The following NPAS3 variants were observed in gnomAD, a reference collection of about 807,000 sequenced individuals.
NPAS3 encodes the protein neuronal PAS domain-containing protein 3.
A neutral mutation model predicts 73.1 loss-of-function variants in NPAS3; 14 were observed. The ratio of observed to expected loss-of-function variants is 0.19; its 90% confidence interval spans 0.13 to 0.30. The LOEUF (loss-of-function observed/expected upper bound fraction) is 0.30. Among genes scored for constraint, NPAS3 ranks in the 10% least tolerant of loss-of-function variants. The pLI, the probability that NPAS3 is intolerant of heterozygous loss-of-function variation, is 1.00. For synonymous variants in NPAS3, 620 were observed against 541.5 expected (o/e 1.14, Z -2.01); for missense variants, 1,096 against 1,250.0 (o/e 0.88, Z 1.86).
intron 4 of NPAS3, among the ~76,000 whole-genome samples, chr14:33,410,406 T>A (rs1243925069): frequency 1.3e-5 from 2 of 152,202 alleles, no homozygotes; most frequent in Admixed American, 6.5e-5. Context: ...TGCTGCCTAC[T>A]CCTAAATTGT....
chr14:33,715,642 C>T (rs1445127545), intron 6 of NPAS3, among the ~76,000 whole-genome samples: 1 of 152,162 alleles, frequency 6.6e-6, no homozygotes, highest in Non-Finnish European at 1.5e-5. Flanking sequence ...GCTACGATTC[C>T]AGCCTCCATC....
chr14:33,609,858 T>C (rs1364155198), intron 5 of NPAS3, among the ~76,000 whole-genome samples: 1 of 152,200 alleles, frequency 6.6e-6, no homozygotes, highest in Non-Finnish European at 1.5e-5. Context: ...TTCGCAAGCA[T>C]CATCCCCCAG....
chr14:33,103,542 G>A (rs2042637682), intron 2 of NPAS3, among the ~76,000 whole-genome samples: 1 of 152,168 alleles, frequency 6.6e-6, no homozygotes, highest in African/African-American at 2.4e-5. Context: ...GTAGAAAATA[G>A]CGTCCTTGAA....
intron 3 of NPAS3, among the ~76,000 whole-genome samples, chr14:33,247,266 A>G (rs1418668823): frequency 6.6e-6 from 1 of 152,172 alleles, no homozygotes; most frequent in East Asian, 1.9e-4. Context: ...TGTAAATACC[A>G]TTTCAGATAA....
chr14:33,672,701 GA>G (rs3059410), intron 5 of NPAS3, among the ~76,000 whole-genome samples: 30,629 of 144,960 alleles, frequency 0.21, 3,049 homozygotes, highest in South Asian at 0.27. Flanking sequence ...CCATAAGAGA[GA>G]AAAAAAAAAA....
intron 7 of NPAS3, among the ~76,000 whole-genome samples, chr14:33,741,168 T>C (rs1370380794): frequency 6.6e-6 from 1 of 152,172 alleles, no homozygotes; most frequent in Non-Finnish European, 1.5e-5. Flanking sequence ...TTCTTCCTTA[T>C]CTGAGATTCA....
intron 2 of NPAS3, among the ~76,000 whole-genome samples, chr14:33,190,487 A>G (rs1344170861): frequency 6.6e-6 from 1 of 152,256 alleles, no homozygotes; most frequent in Non-Finnish European, 1.5e-5. Context: ...TTAAAAATCA[A>G]TTTCACAAAA....
chr14:33,227,655 G>A (rs1047071367), intron 3 of NPAS3, among the ~76,000 whole-genome samples: 7 of 152,106 alleles, frequency 4.6e-5, no homozygotes, highest in Admixed American at 3.3e-4. Context: ...TGAGGGTTCC[G>A]CCCTCTGTGA....
At chr14:33,516,084 A>G (rs1233938980) in intron 4 of NPAS3, among the ~76,000 whole-genome samples, 1 of 152,088 alleles carries the variant, frequency 6.6e-6, no homozygotes, top group Non-Finnish European at 1.5e-5. Context: ...AGTATACTAA[A>G]TAGGTATTTA....
chr14:33,637,690 T>A (rs2058561169), intron 5 of NPAS3, among the ~76,000 whole-genome samples: 1 of 152,252 alleles, frequency 6.6e-6, no homozygotes, highest in Admixed American at 6.5e-5. Context: ...CCTTTTTTGT[T>A]TGCTGTTTTT....
At chr14:33,533,712 T>C (rs76477274) in intron 4 of NPAS3, among the ~76,000 whole-genome samples, 1,763 of 152,258 alleles carry the variant, frequency 0.012, 19 homozygotes, top group African/African-American at 0.041. Context: ...AAATTTATTA[T>C]GAAATACCAT....
chr14:33,525,014 A>G lies in NPAS3; in HGVS notation c.469-35107A>G, dbSNP rs60102726. 6.0e-3 allele frequency among the ~76,000 whole-genome samples: 913 copies of G among 152,280 alleles called. 9 individuals carry two copies. Among genetic ancestry groups the G allele is most frequent in the African/African-American group, 0.021 (859 of 41,556 alleles). ...AGTTAATGGGGGTTAGTACTTTAAC[A>G]TATGAATTTGGGAGAGAACACAATT... On this transcript the variant is annotated intron_variant, in intron 4 of 11. Transcript: ENST00000356141.
intron 1 of NPAS3, among the ~76,000 whole-genome samples, chr14:33,001,609 A>C (rs2038809407): frequency 6.6e-6 from 1 of 152,002 alleles, no homozygotes; most frequent in Non-Finnish European, 1.5e-5. Flanking sequence ...GTATTACCTT[A>C]GCACGTACCT....
At chr14:32,948,341 G>T (rs1040740352) in intron 1 of NPAS3, among the ~76,000 whole-genome samples, 2 of 152,112 alleles carry the variant, frequency 1.3e-5, no homozygotes, top group African/African-American at 4.8e-5. Context: ...AATCTTAGAA[G>T]AAATGGTTGG....
rs143987402 is a variant in NPAS3 at position 33,126,613 on chromosome 14, A to C, written c.140+70619A>C. Among the ~76,000 whole-genome samples the C allele has an allele frequency of 7.5e-3, 1,135 of 152,214 alleles. 11 individuals carry two copies. Among genetic ancestry groups the C allele is most frequent in the Middle Eastern group, 0.034 (10 of 294 alleles). On this transcript the variant is annotated intron_variant, in intron 2 of 11. Coordinates refer to ENST00000356141, the Ensembl canonical transcript of NPAS3. ...AGTGATGGATGGGAAGGGCTTGGCC[A>C]GGATGAAAGGGTTTGGATGGTGTAA... is the stretch of plus-strand genomic sequence containing the variant.
At chr14:33,051,075 C>G (rs1365594126) in intron 1 of NPAS3, among the ~76,000 whole-genome samples, 1 of 150,884 alleles carries the variant, frequency 6.6e-6, no homozygotes, top group Non-Finnish European at 1.5e-5. Context: ...GAGATCGAGA[C>G]CATCCTGGCT....
chr14:33,312,055 A>T (rs1302001400), intron 3 of NPAS3, among the ~76,000 whole-genome samples: 1 of 152,144 alleles, frequency 6.6e-6, no homozygotes, highest in Non-Finnish European at 1.5e-5. Flanking sequence ...ACACTAAAGC[A>T]TTTGGTGAGT....
intron 2 of NPAS3, among the ~76,000 whole-genome samples, chr14:33,070,333 T>G (rs531052998): frequency 6.6e-5 from 10 of 152,206 alleles, no homozygotes; most frequent in African/African-American, 2.4e-4. Context: ...TATCAGCAAC[T>G]ATATGGCCTC....
intron 1 of NPAS3, among the ~76,000 whole-genome samples, chr14:32,975,259 T>G (rs1303952665): frequency 7.2e-6 from 1 of 138,300 alleles, no homozygotes; most frequent in Non-Finnish European, 1.7e-5. Context: ...AAAGTATGGT[T>G]GTTTTTTTTC....
Sources: gnomAD v4.1 joint callset for allele counts (sites outside exome capture counted in the v4.1 genomes callset) on GRCh38, gnomAD v4.1.1 for gene constraint, MANE v1.5 for transcripts, NCBI Gene and HGNC (gene_info 2026-07-23, HGNC 2026-07-21) for gene names.